CEP72: variants seen among roughly 807,000 people sequenced by gnomAD.
CEP72 encodes the protein centrosomal protein 72.
A neutral mutation model predicts 65.7 loss-of-function variants in CEP72; 78 were observed. The observed-to-expected ratio is 1.19, with a 90% CI of 0.99 to 1.43. The LOEUF (loss-of-function observed/expected upper bound fraction) is 1.43. Ranked by LOEUF, CEP72 falls within the 40% of genes most tolerant of loss-of-function variation. CEP72 has a pLI of 0.00. For synonymous variants in CEP72, 358 were observed against 351.7 expected (o/e 1.02, Z -0.20); for missense variants, 914 against 832.9 (o/e 1.10, Z -1.20).
rs1410311651 is a variant in CEP72, at chr5:628,666, TTCTGGAGAACTCAGGTCACAGGCCCC to T, written c.512+4088_512+4113del. Among the ~76,000 whole-genome samples, 8 of 95,550 alleles carry T rather than the reference TTCTGGAGAACTCAGGTCACAGGCCCC, an allele frequency of 8.4e-5. 1 individual carries two copies. The highest frequency in any genetic ancestry group is 2.1e-4 in the African/African-American group (5 of 24,290). 62.7% of individuals were successfully genotyped at this position (95,550 alleles called of 152,430 possible). On this transcript the variant is annotated intron_variant, in intron 4 of 11. Transcript: ENST00000264935. ...GACCCAGCCCCCTTCTTTGTGCAGC[TTCTGGAGAACTCAGGTCACAGGCCCC>T]GGGGAGTGTTCCCAGGACCCAGCCC...
chr5:640,332 A>G, intron 8 of CEP72, 76 bp from the exon 9 acceptor site: 8 of 1,553,160 alleles, frequency 5.2e-6, no homozygotes, highest in Non-Finnish European at 7.0e-6. Context: ...GTGATTCAAA[A>G]CATACTGAGC....
Position 623,157 on chromosome 5 carries a change from C to T in CEP72, c.404-1314C>T, listed in dbSNP as rs1736507384. Among the ~76,000 whole-genome samples, 1 of 151,748 alleles carries T rather than the reference C, an allele frequency of 6.6e-6. No homozygotes were observed. Among genetic ancestry groups the T allele is most frequent in the Non-Finnish European group, 1.5e-5 (1 of 67,948 alleles). ...GCAGAGAAGGAGCGCAGCCGTCTCC[C>T]TCTTAGTGTTTCTGCAGAGAAGGAG... On this transcript the variant is annotated intron_variant, in intron 3 of 11. Coordinates refer to ENST00000264935, the MANE Select transcript of CEP72 (RefSeq NM_018140.4). The surrounding 1 kb of genome is among the most constrained non-coding windows in gnomAD (Gnocchi z 5.3).
downstream of CEP72, chr5:660,449 G>A (rs1561073481): frequency 6.6e-6 from 1 of 152,458 alleles, no homozygotes; most frequent in East Asian, 1.9e-4. Context: ...CTCACAAAGT[G>A]TTCAGTAGTA....
At chr5:651,667 C>T (rs1005508025) in intron 11 of CEP72, among the ~76,000 whole-genome samples, 6 of 151,952 alleles carry the variant, frequency 3.9e-5, no homozygotes, top group Admixed American at 6.6e-5. Flanking sequence ...TGTGCCGGGA[C>T]GTGGTTGGAG....
intron 1 of CEP72, among the ~76,000 whole-genome samples, chr5:614,152 G>A (rs1358795521): frequency 1.3e-5 from 2 of 152,124 alleles, no homozygotes; most frequent in Non-Finnish European, 2.9e-5. Context: ...CCGACTTTGG[G>A]TTTGATTTTT....
chr5:672,066 C>T (rs546207779), downstream of CEP72, among the ~76,000 whole-genome samples: 156 of 152,362 alleles, frequency 1.0e-3, 2 homozygotes, highest in Admixed American at 9.0e-3. Flanking sequence ...CACACTGTGA[C>T]CTGGATTCTC....
chr5:674,361 G>A, the CEP72 span, among the ~76,000 whole-genome samples: 38 of 152,290 alleles, frequency 2.5e-4, no homozygotes, highest in African/African-American at 8.4e-4. Flanking sequence ...GGGGCACAGG[G>A]GCCCTGGCAG....
intron 4 of CEP72, among the ~76,000 whole-genome samples, chr5:625,348 G>T (rs1184942762): frequency 6.6e-6 from 1 of 152,050 alleles, no homozygotes; most frequent in Non-Finnish European, 1.5e-5. Flanking sequence ...TTTTTCTTGT[G>T]TGAGATGCCT....
intron 4 of CEP72, among the ~76,000 whole-genome samples, chr5:666,556 G>A (rs1739923683): frequency 6.6e-6 from 1 of 152,218 alleles, no homozygotes; most frequent in East Asian, 1.9e-4. Context: ...ACATGGTTAG[G>A]AGGGGCTGCC....
intron 1 of CEP72, among the ~76,000 whole-genome samples, chr5:615,483 T>C (rs555142439): frequency 6.6e-6 from 1 of 152,332 alleles, no homozygotes; most frequent in African/African-American, 2.4e-5. Flanking sequence ...TCTGTCTTAT[T>C]TGATATTACT....
chr5:644,066 G>A (rs545194120), intron 9 of CEP72: 18 of 495,784 alleles, frequency 3.6e-5, no homozygotes, highest in African/African-American at 7.8e-5. Flanking sequence ...GGACTGGGGC[G>A]CTCCTTTCCA....
At position 625,804 on chromosome 5, in the gene CEP72, C is replaced by T. The variant is rs149725965; in HGVS notation, c.512+1225C>T. Among the ~76,000 whole-genome samples the T allele has an allele frequency of 3.5e-3, 530 of 152,238 alleles. 1 individual carries two copies. The highest frequency in any genetic ancestry group is 6.3e-3 in the Non-Finnish European group (427 of 68,016). On this transcript the variant is annotated intron_variant, in intron 4 of 11. Coordinates refer to ENST00000264935, the MANE Select transcript of CEP72 (RefSeq NM_018140.4). ...CGCTGGCGTTGTTTGTCTCGGAGGG[C>T]CTCCCTCCAGCCCTGCTCTCACAGG... is the stretch of plus-strand genomic sequence containing the variant.
At chr5:676,612 C>G in the CEP72 span, 1 of 152,262 alleles carries the variant, frequency 6.6e-6, no homozygotes, top group Non-Finnish European at 1.5e-5. Context: ...CACAGGCGGA[C>G]AGGACGGGGC....
chr5:668,134 C>T (rs1464786970), downstream of CEP72, among the ~76,000 whole-genome samples: 2 of 127,670 alleles, frequency 1.6e-5, no homozygotes, highest in Non-Finnish European at 3.2e-5. Context: ...GAGAGGGGTC[C>T]GCGTGGGCCC....
chr5:639,662 A>G (rs990723433), intron 8 of CEP72, among the ~76,000 whole-genome samples: 7 of 152,182 alleles, frequency 4.6e-5, no homozygotes, highest in African/African-American at 1.7e-4. Context: ...CCCTCCCCAG[A>G]GAGGACTTGG....
intron 7 of CEP72, 45 bp from the exon 8 acceptor site, chr5:639,044 C>G (rs748682017): frequency 6.2e-7 from 1 of 1,611,032 alleles, no homozygotes; most frequent in Admixed American, 1.7e-5. Context: ...CATTCAGGAC[C>G]TCAGTTACTG....
chr5:673,827 G>A, the CEP72 span, among the ~76,000 whole-genome samples: 3,414 of 152,298 alleles, frequency 0.022, 59 homozygotes, highest in Non-Finnish European at 0.035. Flanking sequence ...GGGCTCCTCC[G>A]GCCTCCTGGG....
intron 3 of CEP72, among the ~76,000 whole-genome samples, chr5:665,545 C>T (rs747203998): frequency 2.6e-5 from 4 of 151,938 alleles, no homozygotes; most frequent in Non-Finnish European, 4.4e-5. Context: ...TTGGGGACCC[C>T]ACCACCTGCA....
At chr5:618,433 G>T (rs527943069) in intron 1 of CEP72, among the ~76,000 whole-genome samples, 9 of 152,238 alleles carry the variant, frequency 5.9e-5, no homozygotes, top group African/African-American at 1.4e-4. Flanking sequence ...GTTAAAGTTT[G>T]TCTTTCAATC....
Sources: gnomAD v4.1 joint callset for allele counts (sites outside exome capture counted in the v4.1 genomes callset) on GRCh38, gnomAD v4.1.1 for gene constraint, Gnocchi (gnomAD v3.1) non-coding constraint, MANE v1.5 for transcripts, NCBI Gene and HGNC (gene_info 2026-07-23, HGNC 2026-07-21) for gene names.